Variants in RHOH observed in about 807,000 individuals in gnomAD.
RHOH encodes the protein ras homolog family member H.
In RHOH, 6 loss-of-function variants were observed where a neutral mutation model predicts 13.8. The ratio of observed to expected loss-of-function variants is 0.44; its 90% CI spans 0.24 to 0.86. RHOH has a LOEUF of 0.86. RHOH is among the 40% of genes least tolerant of loss of function. The probability of loss-of-function intolerance (pLI) is 0.24; values close to 1 mark genes in which losing one functional copy is unlikely to be tolerated. For missense variants in RHOH, 147 were observed against 244.5 expected (o/e 0.60, Z 2.66); for synonymous variants, 117 against 103.0 (o/e 1.14, Z -0.82).
chr4:40,207,813 A>G (rs926548002), intron 1 of RHOH, among the ~76,000 whole-genome samples: 2 of 152,076 alleles, frequency 1.3e-5, no homozygotes, highest in Admixed American at 6.6e-5. Flanking sequence ...CTAAAAATAC[A>G]AAAATTAGCC....
In RHOH at chr4:40,243,532, G is replaced by A. The variant is rs754145836; in HGVS notation, c.146G>A (p.Gly49Asp). The A allele has an allele frequency of 1.2e-6, 2 of 1,613,992 alleles. No individual in the cohort carries two copies. The highest frequency in any genetic ancestry group is 1.7e-6 in the Non-Finnish European group (2 of 1,180,000). ...ENTGVDVFMDGIQISLGLWDT... is the reference protein window; with the variant it reads ...ENTGVDVFMDDIQISLGLWDT... ...ACAGGGGTGGACGTCTTCATGGATG[G>A]CATCCAGATCAGCCTGGGCCTCTGG... is the stretch of plus-strand genomic sequence containing the variant. The change falls in exon 3 of 3, where the codon GGC becomes GAC. Residue 49 changes from glycine to aspartate, a missense_variant. Gly to Asp is a moderately conservative substitution (Grantham distance 94). Coordinates refer to ENST00000381799, the MANE Select transcript of RHOH (RefSeq NM_004310.5). This position sits in a 1 kb window ranked among gnomAD's most constrained non-coding sequence, Gnocchi z 6.2.
At chr4:40,224,931 A>T (rs2109474233) in intron 1 of RHOH, among the ~76,000 whole-genome samples, 1 of 152,290 alleles carries the variant, frequency 6.6e-6, no homozygotes, top group Non-Finnish European at 1.5e-5. Flanking sequence ...TTTTTTAGAG[A>T]CAGGGTCTCA....
upstream of RHOH, among the ~76,000 whole-genome samples, chr4:40,195,004 T>A (rs1241122603): frequency 6.6e-6 from 1 of 152,190 alleles, no homozygotes; most frequent in Non-Finnish European, 1.5e-5. Context: ...TATGTGTTTA[T>A]GTTTCTCCCG....
upstream of RHOH, among the ~76,000 whole-genome samples, chr4:40,192,344 C>G (rs1722738595): frequency 6.6e-6 from 1 of 152,198 alleles, no homozygotes; most frequent in Non-Finnish European, 1.5e-5. Flanking sequence ...AAGCTACCCA[C>G]TGAATCTACA....
At chr4:40,198,759 G>A (rs1349857924) in intron 1 of RHOH, among the ~76,000 whole-genome samples, 1 of 152,228 alleles carries the variant, frequency 6.6e-6, no homozygotes, top group African/African-American at 2.4e-5. Flanking sequence ...TTGGGAGAAC[G>A]AGTTGGTTGA....
rs1453656335 is a variant in RHOH, at chr4:40,244,541, T to G, written c.*579T>G. The G allele has an allele frequency of 4.8e-6, 1 of 206,742 alleles. No individual in the cohort carries two copies. Among genetic ancestry groups the G allele is most frequent in the Non-Finnish European group, 1.1e-5 (1 of 92,146 alleles). The allele number at this position is 206,742 out of a possible 1,614,324, so 12.8% of individuals were successfully genotyped here. A position where few individuals can be genotyped will look rare whatever the true frequency, so the allele number is the denominator to read the frequency against. On this transcript the variant is annotated 3_prime_UTR_variant, in exon 3 of 3. Transcript: ENST00000381799. ...TGAATCTTTGCAATTTGTTTTCTAC[T>G]TACCTGTTATTCACAGTTGGATATA...
intron 1 of RHOH, among the ~76,000 whole-genome samples, chr4:40,238,749 A>G (rs1728889457): frequency 6.6e-6 from 1 of 152,198 alleles, no homozygotes; most frequent in South Asian, 2.1e-4. Flanking sequence ...ACTCAGTGTC[A>G]TCACCCATGA....
chr4:40,239,917 G>A (rs1729050328), intron 1 of RHOH, among the ~76,000 whole-genome samples: 1 of 151,960 alleles, frequency 6.6e-6, no homozygotes, highest in Non-Finnish European at 1.5e-5. Flanking sequence ...TCAGCTCTAA[G>A]CACACTTAAT....
In RHOH at chr4:40,244,063, C is replaced by A; in HGVS notation, c.*101C>A. 1 of 926,362 alleles carries A rather than the reference C, an allele frequency of 1.1e-6. No individual in the cohort carries two copies. Among genetic ancestry groups the A allele is most frequent in the Non-Finnish European group, 1.6e-6 (1 of 618,658 alleles). 57.4% of individuals were successfully genotyped at this position (926,362 alleles called of 1,614,324 possible). A position where few individuals can be genotyped will look rare whatever the true frequency, so the allele number is the denominator to read the frequency against. On this transcript the variant is annotated 3_prime_UTR_variant, in exon 3 of 3. Transcript: ENST00000381799. ...GAAAGCTTGGTGTTTTCTCTGGGTA[C>A]ACCCCAAGCAGCGTCTCCTTTTGGA... is the stretch of plus-strand genomic sequence containing the variant.
At position 40,236,587 on chromosome 4, in the gene RHOH, G is replaced by A. The variant is rs536365249; in HGVS notation, c.-330-6127G>A. Among the ~76,000 whole-genome samples the A allele has an allele frequency of 4.6e-5, 7 of 151,884 alleles. No individual in the cohort carries two copies. In the East Asian group the frequency reaches 1.2e-3, roughly 25 times the overall value. ...AGGTGAATCACGAGGTCAGGAGATC[G>A]AGACCATCCTGGCCAACATGGTGAA... On this transcript the variant is annotated intron_variant, in intron 1 of 2. Transcript: ENST00000381799.
rs1016531069 is a variant in RHOH, at chr4:40,244,992, A to G, written c.*1030A>G. ...GGGGGATATCTACATATATATGTGT[A>G]TGTAAGGGAAAAAAGGTAGAATTTA... On this transcript the variant is annotated 3_prime_UTR_variant, in exon 3 of 3. Coordinates refer to ENST00000381799, the MANE Select transcript of RHOH (RefSeq NM_004310.5). 8 of 153,464 alleles carry G rather than the reference A, an allele frequency of 5.2e-5. No homozygotes were observed. The highest frequency in any genetic ancestry group is 1.9e-4 in the African/African-American group (8 of 41,468). The allele number at this position is 153,464 out of a possible 1,614,324, so 9.5% of individuals were successfully genotyped here. A position where few individuals can be genotyped will look rare whatever the true frequency, so the allele number is the denominator to read the frequency against.
At position 40,203,548 on chromosome 4, in the gene RHOH, G is replaced by A. The variant is rs180944073; in HGVS notation, c.-331+6248G>A. ...TGTGTGTGTGTGTGTGTGTGTGAGAGAGAGAGAGTGTGTGTGTGTGTGTTG... is the reference window on the plus strand; with the variant it reads ...TGTGTGTGTGTGTGTGTGTGTGAGAAAGAGAGAGTGTGTGTGTGTGTGTTG... On this transcript the variant is annotated intron_variant, in intron 1 of 2. Transcript: ENST00000381799. Among the ~76,000 whole-genome samples the A allele has an allele frequency of 8.7e-5, 13 of 150,192 alleles. No individual in the cohort carries two copies. The East Asian group carries it at 2.5e-3, about 29-fold the overall frequency.
At chr4:40,201,039 C>G (rs1199580343) in intron 1 of RHOH, among the ~76,000 whole-genome samples, 1 of 152,102 alleles carries the variant, frequency 6.6e-6, no homozygotes, top group East Asian at 1.9e-4. Flanking sequence ...GAAAAGAAAC[C>G]CAAGGAAGAG....
chr4:40,241,666 G>A (rs192388328), intron 1 of RHOH, among the ~76,000 whole-genome samples: 5 of 152,242 alleles, frequency 3.3e-5, no homozygotes, highest in South Asian at 2.1e-4. Context: ...GAGGCAGGAG[G>A]ATCCCTGAGG....
intron 1 of RHOH, chr4:40,200,429 C>A (rs533993235): frequency 2.1e-4 from 32 of 152,146 alleles, no homozygotes; most frequent in African/African-American, 7.7e-4. Context: ...TGTCTCATAC[C>A]CCAGCCCTCA....
intron 1 of RHOH, among the ~76,000 whole-genome samples, chr4:40,205,122 C>T (rs1022701453): frequency 2.6e-5 from 4 of 152,122 alleles, no homozygotes; most frequent in Admixed American, 6.5e-5. Context: ...ATTAGCTGGG[C>T]GTGGTGGCAC....
Position 40,244,343 on chromosome 4 carries a change from G to C in RHOH, c.*381G>C. On this transcript the variant is annotated 3_prime_UTR_variant, in exon 3 of 3. Coordinates refer to ENST00000381799, the MANE Select transcript of RHOH (RefSeq NM_004310.5). ...TTGTATATATTTAGTTTTCACACTT[G>C]GAAAATCTTTTCCTACATCCTCGAA... The C allele has an allele frequency of 4.1e-6, 1 of 241,474 alleles. No individual in the cohort carries two copies. The highest frequency in any genetic ancestry group is 8.7e-6 in the Non-Finnish European group (1 of 114,646). The allele number at this position is 241,474 out of a possible 1,614,324, so 15.0% of individuals were successfully genotyped here. A position where few individuals can be genotyped will look rare whatever the true frequency, so the allele number is the denominator to read the frequency against.
chr4:40,196,242 C>A (rs1384961007), upstream of RHOH, among the ~76,000 whole-genome samples: 1 of 152,170 alleles, frequency 6.6e-6, no homozygotes. Flanking sequence ...CAAGCTATCA[C>A]CGTGAGCAGT....
intron 2 of RHOH, 93 bp downstream of exon 2, chr4:40,242,927 T>A (rs947000837): frequency 1.8e-5 from 3 of 167,188 alleles, no homozygotes; most frequent in Non-Finnish European, 3.8e-5. Flanking sequence ...CAGCTTCTGC[T>A]TCTTGACCGG....
Sources: gnomAD v4.1 joint callset for allele counts (sites outside exome capture counted in the v4.1 genomes callset) on GRCh38, gnomAD v4.1.1 for gene constraint, Gnocchi (gnomAD v3.1) non-coding constraint, MANE v1.5 for transcripts, NCBI Gene and HGNC (gene_info 2026-07-23, HGNC 2026-07-21) for gene names.